The following DDX10 variants were observed in gnomAD, a reference collection of about 807,000 sequenced individuals.
The protein encoded by DDX10 is probable ATP-dependent RNA helicase DDX10.
Under a neutral mutation model 104.3 loss-of-function variants are expected in DDX10, and 74 were observed. The observed-to-expected ratio is 0.71, with a 90% confidence interval of 0.59 to 0.86. DDX10 has a LOEUF of 0.86. DDX10 is among the 40% of genes least tolerant of loss of function. The probability of loss-of-function intolerance (pLI) is 0.00; values close to 1 mark genes in which losing one functional copy is unlikely to be tolerated. For missense variants in DDX10, 952 were observed against 1,040.0 expected (o/e 0.92, Z 1.16); for synonymous variants, 351 against 353.4 (o/e 0.99, Z 0.08).
intron 9 of DDX10, among the ~76,000 whole-genome samples, chr11:108,704,354 C>G (rs79908481): frequency 0.042 from 6,378 of 152,266 alleles, 366 homozygotes; most frequent in African/African-American, 0.13. Flanking sequence ...CCTCAGCTCA[C>G]TGTTCTCTGT....
At chr11:108,794,472 G>T (rs950992900) in intron 13 of DDX10, among the ~76,000 whole-genome samples, 3 of 151,960 alleles carry the variant, frequency 2.0e-5, no homozygotes, top group Admixed American at 2.0e-4. Context: ...AAAGTATTGA[G>T]TATCTCAGTG....
intron 9 of DDX10, 106 bp from the exon 10 acceptor site, chr11:108,706,633 T>C: frequency 1.2e-6 from 1 of 846,790 alleles, no homozygotes; most frequent in Non-Finnish European, 2.0e-6. Flanking sequence ...CTCTGACATT[T>C]ATGGTTAGAC....
At chr11:108,797,869 T>C (rs1350167033) in intron 13 of DDX10, among the ~76,000 whole-genome samples, 1 of 152,240 alleles carries the variant, frequency 6.6e-6, no homozygotes, top group Non-Finnish European at 1.5e-5. Context: ...ATTCTGCACC[T>C]TGTACAGTTT....
chr11:108,806,178 G>A (rs542846169), intron 13 of DDX10, among the ~76,000 whole-genome samples: 2 of 152,226 alleles, frequency 1.3e-5, no homozygotes, highest in South Asian at 2.1e-4. Context: ...GGCTAGGCTG[G>A]TCTCGAACTC....
intron 17 of DDX10, among the ~76,000 whole-genome samples, chr11:108,935,956 G>C (rs905261848): frequency 5.9e-5 from 9 of 152,160 alleles, no homozygotes; most frequent in African/African-American, 2.2e-4. Context: ...AGTATATGAA[G>C]TATTGAACGT....
intron 9 of DDX10, among the ~76,000 whole-genome samples, chr11:108,699,170 GACT>G (rs147646160): frequency 0.12 from 18,641 of 152,138 alleles, 1,536 homozygotes; most frequent in East Asian, 0.27. Context: ...ACATGTAGTA[GACT>G]ACATTTGAGA....
intron 7 of DDX10, among the ~76,000 whole-genome samples, chr11:108,691,197 G>A (rs374044783): frequency 7.2e-5 from 11 of 152,264 alleles, no homozygotes; most frequent in African/African-American, 1.9e-4. Flanking sequence ...TTAATTGAGC[G>A]ACTGGATCAC....
intron 16 of DDX10, among the ~76,000 whole-genome samples, chr11:108,894,152 AAAAG>A (rs992555071): frequency 9.2e-5 from 14 of 152,210 alleles, no homozygotes; most frequent in Non-Finnish European, 1.9e-4. Flanking sequence ...TCTTGATTAA[AAAAG>A]AAAGGTGAGA....
chr11:108,801,876 C>T (rs1380355795), intron 13 of DDX10, among the ~76,000 whole-genome samples: 1 of 152,104 alleles, frequency 6.6e-6, no homozygotes, highest in Non-Finnish European at 1.5e-5. Flanking sequence ...TCAAAGGAAG[C>T]TCCTTTTTAA....
At chr11:108,847,617 T>C (rs1169433223) in intron 15 of DDX10, among the ~76,000 whole-genome samples, 2 of 152,202 alleles carry the variant, frequency 1.3e-5, no homozygotes, top group Non-Finnish European at 2.9e-5. Context: ...TCTTGTTTTA[T>C]TGTTGTTGAC....
At chr11:108,853,355 A>C (rs1242053817) in intron 16 of DDX10, among the ~76,000 whole-genome samples, 2 of 152,212 alleles carry the variant, frequency 1.3e-5, no homozygotes, top group Non-Finnish European at 2.9e-5. Context: ...TTCAGCATAA[A>C]ATAAGCCCAT....
intron 13 of DDX10, among the ~76,000 whole-genome samples, chr11:108,801,399 G>A (rs1442484024): frequency 6.6e-6 from 1 of 152,250 alleles, no homozygotes; most frequent in East Asian, 1.9e-4. Flanking sequence ...TTTTGGAAAC[G>A]TGTTTTCAAA....
chr11:108,684,771 G>T (rs1037144665), intron 6 of DDX10, among the ~76,000 whole-genome samples: 11 of 148,324 alleles, frequency 7.4e-5, no homozygotes, highest in East Asian at 2.0e-4. Flanking sequence ...CCGAGGAATC[G>T]CCACACTGAC....
At chr11:108,910,086 A>C (rs960082631) in intron 16 of DDX10, among the ~76,000 whole-genome samples, 6 of 152,168 alleles carry the variant, frequency 3.9e-5, no homozygotes, top group Admixed American at 3.9e-4. Context: ...GGCAAAAAAA[A>C]AAAAAAGGCT....
At chr11:108,918,668 G>T (rs1429175101) in intron 17 of DDX10, 1 of 152,002 alleles carries the variant, frequency 6.6e-6, no homozygotes, top group Non-Finnish European at 1.5e-5. Flanking sequence ...TGGAACACTT[G>T]TACAGAAACA....
At chr11:108,801,232 A>G (rs1456309017) in intron 13 of DDX10, among the ~76,000 whole-genome samples, 1 of 152,218 alleles carries the variant, frequency 6.6e-6, no homozygotes, top group South Asian at 2.1e-4. Flanking sequence ...TAACAAAAAA[A>G]TCTATCATTA....
chr11:108,912,423 C>T (rs1331928453), intron 16 of DDX10, among the ~76,000 whole-genome samples: 2 of 151,786 alleles, frequency 1.3e-5, no homozygotes, highest in African/African-American at 2.4e-5. Flanking sequence ...TCTCCACTGC[C>T]ACTTCCTTCA....
intron 13 of DDX10, among the ~76,000 whole-genome samples, chr11:108,802,647 C>A (rs1168600110): frequency 6.6e-6 from 1 of 152,108 alleles, no homozygotes; most frequent in Non-Finnish European, 1.5e-5. Flanking sequence ...CTAAAACAAA[C>A]CCTACCAAAA....
chr11:108,848,314 C>T (rs914939454), intron 15 of DDX10, among the ~76,000 whole-genome samples: 1 of 152,140 alleles, frequency 6.6e-6, no homozygotes, highest in African/African-American at 2.4e-5. Context: ...GAGCCAGAGA[C>T]TGGTCTGGCT....
Sources: allele counts gnomAD v4.1 joint callset (sites outside exome capture counted in the v4.1 genomes callset), GRCh38; gene constraint gnomAD v4.1.1; transcripts MANE v1.5; gene names NCBI Gene and HGNC (gene_info 2026-07-23, HGNC 2026-07-21).